CEP152: variants seen among roughly 807,000 people sequenced by gnomAD.
The protein encoded by CEP152 is centrosomal protein of 152 kDa.
In CEP152, 132 loss-of-function variants were observed where a neutral mutation model predicts 188.9. That is an observed-to-expected ratio of 0.70 (90% confidence interval 0.61 to 0.81). The LOEUF (loss-of-function observed/expected upper bound fraction) is 0.81, where lower values mean the gene tolerates loss of function less well. CEP152 is among the 30% of genes least tolerant of loss of function. CEP152 has a pLI of 0.00. For synonymous variants in CEP152, 649 were observed against 666.6 expected (o/e 0.97, Z 0.41); for missense variants, 1,914 against 1,969.8 (o/e 0.97, Z 0.54).
chr15:48,779,290 T>C (rs1042287821), intron 12 of CEP152, among the ~76,000 whole-genome samples: 10 of 152,246 alleles, frequency 6.6e-5, no homozygotes, highest in African/African-American at 2.4e-4. Flanking sequence ...GTTCAAGTAC[T>C]GGTTCTGCTA....
In CEP152 at chr15:48,742,106, G is replaced by C; in HGVS notation, c.3836-6C>G. 1 of 1,613,780 alleles carries C rather than the reference G, an allele frequency of 6.2e-7. No homozygotes were observed. Among genetic ancestry groups the C allele is most frequent in the Non-Finnish European group, 8.5e-7 (1 of 1,179,784 alleles). On this transcript the variant is annotated splice_region_variant and splice_polypyrimidine_tract_variant and intron_variant, in intron 24 of 26. Coordinates refer to ENST00000380950, the MANE Select transcript of CEP152 (RefSeq NM_001194998.2). ...AATATAACGAAGCATGTCACCTATA[G>C]GGAAGTGAGAAAATGCCCACAGAAT...
At chr15:48,749,657 C>T (rs1893731499) in intron 21 of CEP152, among the ~76,000 whole-genome samples, 1 of 151,512 alleles carries the variant, frequency 6.6e-6, no homozygotes, top group African/African-American at 2.4e-5. Context: ...CCAGACAAAC[C>T]CCAAATGAGA....
chr15:48,749,621 C>G (rs781547024), intron 21 of CEP152, among the ~76,000 whole-genome samples: 4 of 151,908 alleles, frequency 2.6e-5, no homozygotes, highest in Admixed American at 1.3e-4. Flanking sequence ...TGAGAAAACA[C>G]AACCTGAATC....
intron 2 of CEP152, 94 bp from the exon 3 acceptor site, chr15:48,798,145 G>T: frequency 2.3e-6 from 2 of 871,898 alleles, no homozygotes; most frequent in African/African-American, 1.6e-5. Context: ...TACTGTAGAG[G>T]TCAAAGAAGT....
chr15:48,752,269 TCTC>T, intron 21 of CEP152, 77 bp downstream of exon 21: 2 of 1,610,706 alleles, frequency 1.2e-6, no homozygotes, highest in South Asian at 2.2e-5. Flanking sequence ...ACATCTATGA[TCTC>T]CTTTTATCCT....
intron 2 of CEP152, among the ~76,000 whole-genome samples, chr15:48,800,704 G>T (rs1897616559): frequency 6.6e-6 from 1 of 152,046 alleles, no homozygotes; most frequent in Non-Finnish European, 1.5e-5. Context: ...AATCTCAACA[G>T]GATATTACTG....
Position 48,741,123 on chromosome 15 carries a change from CT to C in CEP152, c.4093+477del, listed in dbSNP as rs556329438. The C allele has an allele frequency of 6.6e-5, 63 of 956,888 alleles. No individual in the cohort carries two copies. In the Admixed American group the frequency reaches 4.4e-3, roughly 66 times the overall value. The allele number at this position is 956,888 out of a possible 1,614,324, so 59.3% of individuals were successfully genotyped here. A position where few individuals can be genotyped will look rare whatever the true frequency, so the allele number is the denominator to read the frequency against. ...TTTCTTGTAGCTTCTGGTCTATCCA[CT>C]GCAAACTTTTTTTTTTTTTTTTTGA... On this transcript the variant is annotated intron_variant, in intron 26 of 26. Transcript: ENST00000380950.
downstream of CEP152, among the ~76,000 whole-genome samples, chr15:48,736,728 C>G (rs535098074): frequency 1.3e-5 from 2 of 152,104 alleles, no homozygotes; most frequent in Non-Finnish European, 2.9e-5. Context: ...ATTAAGGATA[C>G]TCTAAAAGGA....
intron 2 of CEP152, among the ~76,000 whole-genome samples, chr15:48,803,693 T>A (rs545444696): frequency 1.3e-5 from 2 of 152,218 alleles, no homozygotes; most frequent in African/African-American, 4.8e-5. Flanking sequence ...TGATCCCAAA[T>A]AGCTGTTTTC....
chr15:48,768,359 C>T (rs749037627), intron 14 of CEP152, 31 bp from the exon 15 acceptor site: 7 of 1,221,710 alleles, frequency 5.7e-6, no homozygotes, highest in African/African-American at 4.5e-5. Flanking sequence ...TTAGTACTTA[C>T]AGAAAATAAA....
rs146510120 is a variant in CEP152, at chr15:48,790,316, T to A, written c.972+921A>T. 3.4e-3 allele frequency among the ~76,000 whole-genome samples: 516 copies of A among 152,212 alleles called. 3 individuals are homozygous for A. The highest frequency in any genetic ancestry group is 0.012 in the African/African-American group (489 of 41,540). Reference sequence around the variant, plus strand: ...AGACAATAAATAACAAGTAAACAAATGAGATCATTTCAGATAGTTATAGAG... The same window carrying A: ...AGACAATAAATAACAAGTAAACAAAAGAGATCATTTCAGATAGTTATAGAG... On this transcript the variant is annotated intron_variant, in intron 8 of 26. Coordinates refer to ENST00000380950, the MANE Select transcript of CEP152 (RefSeq NM_001194998.2).
chr15:48,756,476 T>C lies in CEP152; in HGVS notation c.2772A>G (p.Gly924=), dbSNP rs764284512. The part of the protein sequence containing the change: ...LENMRKNILP[G]KELEEKIHSL... ...AATGAATCTTCTCTTCCAATTCCTT[T>C]CCAGGAAGTATATTTTTCCTCATAT... The change falls in exon 20 of 27, where the codon GGA becomes GGG. Residue 924 remains glycine (G), a synonymous_variant. Transcript: ENST00000380950. The C allele has an allele frequency of 1.2e-6, 2 of 1,613,234 alleles. No individual in the cohort carries two copies. The highest frequency in any genetic ancestry group is 3.3e-5 in the Admixed American group (2 of 59,972).
Position 48,791,356 on chromosome 15 carries a change from G to C in CEP152, c.853C>G (p.Leu285Val), listed in dbSNP as rs368723147. The C allele has an allele frequency of 1.2e-5, 19 of 1,612,178 alleles. No individual in the cohort carries two copies. The highest frequency in any genetic ancestry group is 1.6e-4 in the Middle Eastern group (1 of 6,078). The change falls in exon 8 of 27, where the codon CTC becomes GTC. Residue 285 changes from leucine (L) to valine (V), a missense_variant. By Grantham distance (32) the Leu-to-Val change is conservative. Transcript: ENST00000380950. ...IIKDEKDGLT[L>V]SLRESQKLFQ... ...AGTTTCTGTGATTCTCGAAGGCTGA[G>C]AGTCAAACCATCCTTTTCATCTACG...
intron 20 of CEP152, among the ~76,000 whole-genome samples, chr15:48,753,378 C>A (rs374866510): frequency 1.4e-4 from 21 of 152,082 alleles, no homozygotes; most frequent in Non-Finnish European, 2.6e-4. Flanking sequence ...ACTACTAAAT[C>A]GGAAAGGAAC....
downstream of CEP152, among the ~76,000 whole-genome samples, chr15:48,733,631 A>C (rs2140528056): frequency 6.6e-6 from 1 of 152,308 alleles, no homozygotes; most frequent in Middle Eastern, 3.4e-3. Flanking sequence ...AAACTGCCTA[A>C]ATTGTATTAA....
downstream of CEP152, among the ~76,000 whole-genome samples, chr15:48,737,064 C>T (rs1296167882): frequency 6.6e-6 from 1 of 152,102 alleles, no homozygotes; most frequent in Non-Finnish European, 1.5e-5. Flanking sequence ...AAGTCCAGGA[C>T]CAATTTTTAG....
At chr15:48,762,267 T>C in intron 18 of CEP152, 124 bp downstream of exon 18, 1 of 962,750 alleles carries the variant, frequency 1.0e-6, no homozygotes, top group Non-Finnish European at 1.6e-6. Flanking sequence ...AGGTTTTCTA[T>C]CCTAGAAATG....
rs151036621 is a variant in CEP152, at chr15:48,770,822, C to T, written c.1782+1665G>A. Among the ~76,000 whole-genome samples, 137 of 152,240 alleles carry T rather than the reference C, an allele frequency of 9.0e-4. 1 individual carries two copies. The highest frequency in any genetic ancestry group is 3.1e-3 in the African/African-American group (127 of 41,548). ...TAGTTACTCAGAAGAGGGAATCAGG[C>T]TGGAAAAGATTTTGATAGCAAAAAC... On this transcript the variant is annotated intron_variant, in intron 13 of 26. Transcript: ENST00000380950.
In CEP152 at chr15:48,791,235, A is replaced by T. The variant is rs766194658; in HGVS notation, c.972+2T>A. On this transcript the variant is annotated splice_donor_variant, in intron 8 of 26. Transcript: ENST00000380950. LOFTEE classifies it high-confidence loss of function. ...TTACCATACATAAGTTAAAATAGGT[A>T]CCTGTTCTTCATTGACTTTTAATGC... is the stretch of plus-strand genomic sequence containing the variant. 1.4e-5 allele frequency: 23 copies of T among 1,610,504 alleles called. No homozygotes were observed. The South Asian group carries it at 2.5e-4, about 18-fold the overall frequency.
Sources: allele counts gnomAD v4.1 joint callset (sites outside exome capture counted in the v4.1 genomes callset), GRCh38; gene constraint gnomAD v4.1.1; transcripts MANE v1.5; gene names NCBI Gene and HGNC (gene_info 2026-07-23, HGNC 2026-07-21).